Variants in NTM observed in about 807,000 individuals in gnomAD.
The protein encoded by NTM is IgLON family member 2.
In NTM, 13 loss-of-function variants were observed where a neutral mutation model predicts 42.1. That is an observed-to-expected ratio of 0.31 (90% CI 0.20 to 0.49). The LOEUF is 0.49. Among genes scored for constraint, NTM ranks in the 20% least tolerant of loss-of-function variants. NTM has a pLI of 0.99. For missense variants in NTM, 373 were observed against 452.8 expected, an observed-to-expected ratio of 0.82 and a Z score of 1.60; for synonymous variants, 187 against 179.2, an observed-to-expected ratio of 1.04 and a Z score of -0.35.
At chr11:131,693,236 C>T (rs2075012944) in intron 1 of NTM, among the ~76,000 whole-genome samples, 1 of 152,106 alleles carries the variant, frequency 6.6e-6, no homozygotes, top group Non-Finnish European at 1.5e-5. Flanking sequence ...GAGGCTGATT[C>T]AGGGGATTGC....
chr11:131,996,652 G>A (rs570209879), intron 2 of NTM, among the ~76,000 whole-genome samples: 1 of 152,062 alleles, frequency 6.6e-6, no homozygotes, highest in East Asian at 1.9e-4. Context: ...GACACATAGT[G>A]GTGTCTTGGG....
chr11:132,274,048 C>G (rs977306785), intron 4 of NTM, among the ~76,000 whole-genome samples: 1 of 152,032 alleles, frequency 6.6e-6, no homozygotes, highest in African/African-American at 2.4e-5. Flanking sequence ...CTTTATGATC[C>G]TTTTTGTTCT....
chr11:132,142,246 C>T (rs1044099379), intron 2 of NTM, among the ~76,000 whole-genome samples: 4 of 152,186 alleles, frequency 2.6e-5, no homozygotes, highest in Admixed American at 6.5e-5. Flanking sequence ...ATCTGATGAG[C>T]GGCCATCTCC....
At chr11:132,063,784 G>A (rs552944854) in intron 2 of NTM, among the ~76,000 whole-genome samples, 73 of 152,326 alleles carry the variant, frequency 4.8e-4, no homozygotes, top group South Asian at 1.7e-3. Flanking sequence ...AACACAATTA[G>A]GAATCCTGGT....
intron 3 of NTM, among the ~76,000 whole-genome samples, chr11:132,184,690 C>T (rs950557630): frequency 1.8e-4 from 27 of 152,280 alleles, no homozygotes; most frequent in African/African-American, 6.5e-4. Flanking sequence ...TTCAAAACTG[C>T]ATTTTTTCTT....
At chr11:131,774,193 CT>C in intron 1 of NTM, 3 of 834,910 alleles carry the variant, frequency 3.6e-6, no homozygotes, top group Non-Finnish European at 4.3e-6. Flanking sequence ...TCTCCATAGC[CT>C]TTATGAGGCT....
intron 4 of NTM, among the ~76,000 whole-genome samples, chr11:132,285,336 C>T (rs567605920): frequency 2.0e-5 from 3 of 152,312 alleles, no homozygotes; most frequent in Admixed American, 2.0e-4. Flanking sequence ...CTGCTCTGAG[C>T]TCCCTTTGTA....
At chr11:132,041,180 C>T (rs1376606930) in intron 2 of NTM, among the ~76,000 whole-genome samples, 1 of 145,276 alleles carries the variant, frequency 6.9e-6, no homozygotes, top group South Asian at 2.2e-4. Flanking sequence ...TTTTGCTCTG[C>T]CTTTTTGTTT....
rs1771272497 is a variant in NTM at position 131,789,543 on chromosome 11, AAGAAAAGAAGAAG to A, written c.83-122019_83-122007del. ...GAAGAAGAAGAAGAAGAAGAAGAAG[AAGAAAAGAAGAAG>A]AAGAAGAAGAAGAAGAAGAAGAAGA... On this transcript the variant is annotated intron_variant, in intron 1 of 8. Coordinates refer to ENST00000683400, the MANE Select transcript of NTM (RefSeq NM_001352005.2). Among the ~76,000 whole-genome samples, 14 of 25,280 alleles carry A rather than the reference AAGAAAAGAAGAAG, an allele frequency of 5.5e-4. 4 individuals are homozygous for A. Among genetic ancestry groups the A allele is most frequent in the East Asian group, 1.5e-3 (1 of 688 alleles). 16.6% of individuals were successfully genotyped at this position (25,280 alleles called of 152,430 possible). A position where few individuals can be genotyped will look rare whatever the true frequency, so the allele number is the denominator to read the frequency against.
intron 1 of NTM, among the ~76,000 whole-genome samples, chr11:131,597,363 C>T (rs572924102): frequency 6.6e-6 from 1 of 152,154 alleles, no homozygotes; most frequent in South Asian, 2.1e-4. Context: ...TTCCCCCTCA[C>T]CCTGCCTCCA....
At chr11:131,832,022 T>C (rs1278513245) in intron 1 of NTM, among the ~76,000 whole-genome samples, 1 of 149,900 alleles carries the variant, frequency 6.7e-6, no homozygotes, top group African/African-American at 2.4e-5. Flanking sequence ...AAATCAATAT[T>C]AGTCCATTCT....
At chr11:131,668,771 G>C (rs1294390354) in intron 1 of NTM, among the ~76,000 whole-genome samples, 1 of 152,186 alleles carries the variant, frequency 6.6e-6, no homozygotes, top group South Asian at 2.1e-4. Flanking sequence ...CCAGAACCTC[G>C]TTAGTCAGAA....
chr11:131,892,169 C>T (rs1185868359), intron 1 of NTM, among the ~76,000 whole-genome samples: 2 of 152,174 alleles, frequency 1.3e-5, no homozygotes, highest in Non-Finnish European at 2.9e-5. Context: ...TTTCCTCCTC[C>T]TTCTCCTCCG....
chr11:132,298,990 T>C (rs543951762), intron 4 of NTM, among the ~76,000 whole-genome samples: 1 of 152,278 alleles, frequency 6.6e-6, no homozygotes, highest in South Asian at 2.1e-4. Context: ...ATCTGGTTAA[T>C]AAATTAATTT....
In NTM at chr11:132,207,326, C is replaced by A. The variant is rs150653760; in HGVS notation, c.401-4696C>A. ...GAACCCTTATTGTGAACTGCCCATG[C>A]GAGGGATCTAGGTCGTGCACTCCTT... On this transcript the variant is annotated intron_variant, in intron 3 of 8. Coordinates refer to ENST00000683400, the MANE Select transcript of NTM (RefSeq NM_001352005.2). Among the ~76,000 whole-genome samples, 3 of 152,102 alleles carry A rather than the reference C, an allele frequency of 2.0e-5. No homozygotes were observed. In the South Asian group the frequency reaches 6.2e-4, roughly 32 times the overall value.
intron 2 of NTM, among the ~76,000 whole-genome samples, chr11:132,137,995 C>G (rs1293358216): frequency 6.6e-6 from 1 of 152,210 alleles, no homozygotes; most frequent in African/African-American, 2.4e-5. Context: ...CATCCTTCCA[C>G]AAACTCGCCA....
chr11:132,239,181 A>T (rs2089704168), intron 4 of NTM, among the ~76,000 whole-genome samples: 1 of 152,192 alleles, frequency 6.6e-6, no homozygotes, highest in South Asian at 2.1e-4. Context: ...TGTCGTAAGA[A>T]ATTACTTTTA....
intron 1 of NTM, among the ~76,000 whole-genome samples, chr11:131,595,591 C>A (rs2059747782): frequency 6.6e-6 from 1 of 152,202 alleles, no homozygotes; most frequent in Non-Finnish European, 1.5e-5. Context: ...TAGAGAGCTG[C>A]TGACTGTGGA....
rs2069651844 is a variant in NTM, at chr11:132,002,894, C to T, written c.167+91246C>T. 6.6e-6 allele frequency among the ~76,000 whole-genome samples: 1 copy of T among 152,114 alleles called. No individual in the cohort carries two copies. The highest frequency in any genetic ancestry group is 2.4e-5 in the African/African-American group (1 of 41,384). Reference sequence around the variant, plus strand: ...GCAAGCTCTTAGCCAATGTTAGCAGCCATTATTACTGTTTACTGTTAATAA... The same window carrying T: ...GCAAGCTCTTAGCCAATGTTAGCAGTCATTATTACTGTTTACTGTTAATAA... On this transcript the variant is annotated intron_variant, in intron 2 of 8. Coordinates refer to ENST00000683400, the MANE Select transcript of NTM (RefSeq NM_001352005.2). The surrounding 1 kb of genome is among the most constrained non-coding windows in gnomAD (Gnocchi z 4.5).
Sources: allele counts gnomAD v4.1 joint callset (sites outside exome capture counted in the v4.1 genomes callset), GRCh38; gene constraint gnomAD v4.1.1; non-coding constraint Gnocchi (gnomAD v3.1); transcripts MANE v1.5; gene names NCBI Gene and HGNC (gene_info 2026-07-23, HGNC 2026-07-21).